The following AP3B1 variants were observed in gnomAD, a reference collection of about 807,000 sequenced individuals.
AP3B1 encodes AP-3 complex subunit beta-1.
In AP3B1, 61 loss-of-function variants were observed where a neutral mutation model predicts 132.5. That is an observed-to-expected ratio of 0.46 (90% CI 0.37 to 0.57). The LOEUF (loss-of-function observed/expected upper bound fraction) is 0.57. Among genes scored for constraint, AP3B1 ranks in the 20% least tolerant of loss-of-function variants. The probability of loss-of-function intolerance (pLI) is 0.00; values close to 1 mark genes in which losing one functional copy is unlikely to be tolerated. For synonymous variants in AP3B1, 388 were observed against 438.3 expected (o/e 0.89, Z 1.43); for missense variants, 1,120 against 1,289.4 (o/e 0.87, Z 2.01).
At chr5:78,168,095 C>A (rs1743733373) in intron 11 of AP3B1, among the ~76,000 whole-genome samples, 1 of 151,428 alleles carries the variant, frequency 6.6e-6, no homozygotes, top group Non-Finnish European at 1.5e-5. Context: ...AGGAGGAGTT[C>A]TTTACATATT....
rs1185781205 is a variant in AP3B1 at position 78,113,979 on chromosome 5, A to G, written c.2078-56T>C. ...TATAGTCATTTAATTAGACACACGG[A>G]CACCTGTAACTGTCAATATTCATCA... On this transcript the variant is annotated intron_variant, in intron 18 of 26. Coordinates refer to ENST00000255194, the MANE Select transcript of AP3B1 (RefSeq NM_003664.5). The G allele has an allele frequency of 1.9e-6, 3 of 1,559,106 alleles. No individual in the cohort carries two copies. In the African/African-American group the frequency reaches 4.1e-5, roughly 21 times the overall value.
At chr5:78,093,513 T>C (rs1750623942) in intron 21 of AP3B1, among the ~76,000 whole-genome samples, 1 of 152,256 alleles carries the variant, frequency 6.6e-6, no homozygotes, top group African/African-American at 2.4e-5. Context: ...TTTATTTTCT[T>C]CTTTTTATTT....
intron 11 of AP3B1, among the ~76,000 whole-genome samples, chr5:78,171,875 T>C (rs866386496): frequency 1.3e-5 from 2 of 152,206 alleles, no homozygotes; most frequent in Admixed American, 6.5e-5. Context: ...GGCAGTGGGT[T>C]TGTCATAAAT....
At chr5:78,184,159 A>G (rs974568551) in intron 7 of AP3B1, among the ~76,000 whole-genome samples, 3 of 151,318 alleles carry the variant, frequency 2.0e-5, no homozygotes, top group Admixed American at 2.0e-4. Flanking sequence ...ACAGAGTGAG[A>G]CTCCATCTCA....
rs78754185 is a variant in AP3B1, at chr5:78,181,810, C to G, written c.787-148G>C. 638 of 662,958 alleles carry G rather than the reference C, an allele frequency of 9.6e-4. 4 individuals carry two copies. In the African/African-American group the frequency reaches 0.011, roughly 11 times the overall value. 41.1% of individuals were successfully genotyped at this position (662,958 alleles called of 1,614,324 possible). Reference sequence around the variant, plus strand: ...TGGGCAATTTAAAAATATTACACAACCTATATCGAATAAAGGTCTATTGAT... The same window carrying G: ...TGGGCAATTTAAAAATATTACACAAGCTATATCGAATAAAGGTCTATTGAT... On this transcript the variant is annotated intron_variant, in intron 7 of 26. Transcript: ENST00000255194.
At chr5:78,151,108 G>A (rs986774504) in intron 14 of AP3B1, among the ~76,000 whole-genome samples, 3 of 151,990 alleles carry the variant, frequency 2.0e-5, no homozygotes, top group African/African-American at 4.8e-5. Context: ...TAGAAGAAAC[G>A]AGGTTTTACC....
At chr5:78,267,937 A>AT (rs200757571) in intron 1 of AP3B1, among the ~76,000 whole-genome samples, 1,588 of 152,268 alleles carry the variant, frequency 0.01, 30 homozygotes, top group African/African-American at 0.036. Context: ...AGCTAAGCAC[A>AT]TTTTTTTCAA....
chr5:78,061,490 T>C (rs1749053405), intron 22 of AP3B1, among the ~76,000 whole-genome samples: 1 of 152,216 alleles, frequency 6.6e-6, no homozygotes, highest in South Asian at 2.1e-4. Context: ...CAAGACTAAG[T>C]TGTCAGTGGC....
chr5:78,036,765 G>A (rs1472684419), intron 23 of AP3B1, among the ~76,000 whole-genome samples: 3 of 152,082 alleles, frequency 2.0e-5, no homozygotes, highest in African/African-American at 4.8e-5. Flanking sequence ...ACTCCTTAAT[G>A]TGTATACGTT....
At chr5:78,113,050 G>A (rs1239287136) in intron 19 of AP3B1, among the ~76,000 whole-genome samples, 1 of 152,210 alleles carries the variant, frequency 6.6e-6, no homozygotes, top group Non-Finnish European at 1.5e-5. Context: ...GTAATAAAAG[G>A]AGCAGAGAGC....
chr5:78,007,419 C>T (rs1181090674), intron 26 of AP3B1, among the ~76,000 whole-genome samples: 1 of 150,944 alleles, frequency 6.6e-6, no homozygotes, highest in Non-Finnish European at 1.5e-5. Flanking sequence ...GTGACAATGA[C>T]CCACTCAGGC....
At chr5:78,026,126 C>T (rs1187984737) in intron 24 of AP3B1, among the ~76,000 whole-genome samples, 6 of 152,156 alleles carry the variant, frequency 3.9e-5, no homozygotes, top group Non-Finnish European at 7.3e-5. Context: ...GACAGATTAT[C>T]TCCATTTCTA....
chr5:78,003,204 T>G lies in AP3B1; in HGVS notation c.3132-149A>C, dbSNP rs1474284915. The G allele has an allele frequency of 1.3e-5, 12 of 912,210 alleles. 1 individual carries two copies. In the South Asian group the frequency reaches 1.9e-4, roughly 15 times the overall value. 56.5% of individuals were successfully genotyped at this position (912,210 alleles called of 1,614,324 possible). A position where few individuals can be genotyped will look rare whatever the true frequency, so the allele number is the denominator to read the frequency against. ...ATTGCCAAAAACCCAAAGCCAAGCATTCTTCTGAAAAATCAATAAACTGTC... is the reference window on the plus strand; with the variant it reads ...ATTGCCAAAAACCCAAAGCCAAGCAGTCTTCTGAAAAATCAATAAACTGTC... On this transcript the variant is annotated intron_variant, in intron 26 of 26. Transcript: ENST00000255194.
intron 26 of AP3B1, among the ~76,000 whole-genome samples, chr5:78,007,594 C>T (rs903306590): frequency 6.6e-6 from 1 of 152,206 alleles, no homozygotes; most frequent in East Asian, 1.9e-4. Flanking sequence ...TGAAGTCGCA[C>T]GATCATTATA....
At chr5:78,231,263 A>G (rs948686055) in intron 3 of AP3B1, among the ~76,000 whole-genome samples, 1 of 152,030 alleles carries the variant, frequency 6.6e-6, no homozygotes, top group African/African-American at 2.4e-5. Flanking sequence ...AACCTCCGCC[A>G]CCCAGGTTCA....
intron 11 of AP3B1, among the ~76,000 whole-genome samples, chr5:78,171,896 AT>A (rs1655395087): frequency 6.6e-6 from 1 of 152,172 alleles, no homozygotes; most frequent in African/African-American, 2.4e-5. Context: ...AGCTCTTATT[AT>A]TTTGAGATAC....
intron 12 of AP3B1, 100 bp downstream of exon 12, chr5:78,165,510 T>C (rs1307603673): frequency 2.1e-5 from 18 of 848,386 alleles, no homozygotes; most frequent in Non-Finnish European, 3.3e-5. Context: ...CCAATCACTA[T>C]TTTATGTACA....
chr5:78,277,278 T>C (rs1215831519), intron 1 of AP3B1, among the ~76,000 whole-genome samples: 1 of 152,190 alleles, frequency 6.6e-6, no homozygotes, highest in Non-Finnish European at 1.5e-5. Context: ...TTATTCAACA[T>C]CCATTATATG....
chr5:78,212,893 T>C (rs1745802083), intron 7 of AP3B1, among the ~76,000 whole-genome samples: 1 of 152,048 alleles, frequency 6.6e-6, no homozygotes, highest in Non-Finnish European at 1.5e-5. Flanking sequence ...TTTTTATTTA[T>C]TTATTTATTT....
Sources: allele counts gnomAD v4.1 joint callset (sites outside exome capture counted in the v4.1 genomes callset), GRCh38; gene constraint gnomAD v4.1.1; transcripts MANE v1.5; gene names NCBI Gene and HGNC (gene_info 2026-07-23, HGNC 2026-07-21).